Variants in COG6 observed in about 807,000 individuals in gnomAD.
COG6 encodes the protein conserved oligomeric Golgi complex subunit 6.
A neutral mutation model predicts 88.8 loss-of-function variants in COG6; 74 were observed. That is an observed-to-expected ratio of 0.83 (90% CI 0.69 to 1.01). The LOEUF is 1.01. Among genes scored for constraint, COG6 ranks in the 50% least tolerant of loss-of-function variants. The probability of loss-of-function intolerance (pLI) is 0.00; values close to 1 mark genes in which losing one functional copy is unlikely to be tolerated. For missense variants in COG6, 800 were observed against 797.9 expected (o/e 1.00, Z -0.03); for synonymous variants, 286 against 278.7 (o/e 1.03, Z -0.26).
intron 18 of COG6, among the ~76,000 whole-genome samples, chr13:39,743,690 G>C (rs900759575): frequency 4.6e-5 from 7 of 152,104 alleles, no homozygotes; most frequent in Non-Finnish European, 8.8e-5. Context: ...AGAGGAGCTG[G>C]TACCATCCAT....
At chr13:39,727,826 C>T (rs182872488) in intron 18 of COG6, among the ~76,000 whole-genome samples, 143 of 152,132 alleles carry the variant, frequency 9.4e-4, no homozygotes, top group Admixed American at 2.1e-3. Flanking sequence ...ATACCAAATT[C>T]CCTTACGTTA....
At chr13:39,704,011 G>A (rs1391729309) in intron 13 of COG6, among the ~76,000 whole-genome samples, 1 of 152,024 alleles carries the variant, frequency 6.6e-6, no homozygotes, top group African/African-American at 2.4e-5. Flanking sequence ...AGGAATTACA[G>A]GTGTGAGCCA....
chr13:39,781,984 A>G (rs1048552921), intron 18 of COG6, among the ~76,000 whole-genome samples: 4 of 152,184 alleles, frequency 2.6e-5, no homozygotes, highest in Admixed American at 6.5e-5. Context: ...TTAACTTACA[A>G]TGTGAACTTG....
chr13:39,680,833 T>A (rs1876268401), intron 7 of COG6, among the ~76,000 whole-genome samples: 1 of 152,194 alleles, frequency 6.6e-6, no homozygotes, highest in Non-Finnish European at 1.5e-5. Context: ...CTAACTTTTC[T>A]GCCAGCCACT....
chr13:39,685,286 A>G lies in COG6; in HGVS notation c.789-2217A>G, dbSNP rs141411579. 5.0e-3 allele frequency among the ~76,000 whole-genome samples: 761 copies of G among 152,262 alleles called. 7 individuals carry two copies. The highest frequency in any genetic ancestry group is 0.018 in the African/African-American group (734 of 41,572). On this transcript the variant is annotated intron_variant, in intron 8 of 18. Coordinates refer to ENST00000455146, the MANE Select transcript of COG6 (RefSeq NM_020751.3). ...TTGATTATTGTTGGAAGAATGTCTG[A>G]TTTTGGTCAAAGACTTTTTCTTCTG...
intron 18 of COG6, among the ~76,000 whole-genome samples, chr13:39,731,671 T>G (rs1041211666): frequency 6.6e-6 from 1 of 152,224 alleles, no homozygotes; most frequent in Admixed American, 6.5e-5. Flanking sequence ...TTTTCCTCCA[T>G]TATAGAAATA....
Position 39,660,848 on chromosome 13 carries a change from C to A in COG6, c.336C>A (p.Ser112Arg). ...ESISEDVQAM[S>R]NCCQDMTSRL... ...TAAGCGAAGATGTTCAAGCAATGAG[C>A]AACTGTTGTCAAGATATGACAAGTC... Residue 112 changes from serine (S) to arginine (R), a missense_variant, in exon 3 of 19, where the codon AGC (serine) becomes AGA (arginine). Ser to Arg is a moderately radical substitution (Grantham distance 110). Transcript: ENST00000455146. 6.2e-7 allele frequency: 1 copy of A among 1,610,078 alleles called. No homozygotes were observed. The highest frequency in any genetic ancestry group is 1.3e-5 in the African/African-American group (1 of 74,928).
At chr13:39,683,433 GA>G (rs1297543055) in intron 8 of COG6, among the ~76,000 whole-genome samples, 2 of 152,112 alleles carry the variant, frequency 1.3e-5, no homozygotes, top group African/African-American at 4.8e-5. Flanking sequence ...GTAATGCAAA[GA>G]TATACATTGA....
chr13:39,661,531 A>G (rs1247376599), intron 3 of COG6, among the ~76,000 whole-genome samples: 6 of 152,176 alleles, frequency 3.9e-5, no homozygotes, highest in Admixed American at 2.0e-4. Flanking sequence ...TGCATATTCT[A>G]CAGATTAATC....
chr13:39,676,515 T>C (rs1214760763), intron 4 of COG6, among the ~76,000 whole-genome samples: 2 of 152,174 alleles, frequency 1.3e-5, no homozygotes, highest in Non-Finnish European at 2.9e-5. Context: ...TGGAGGATTT[T>C]TGCTTGTAAA....
intron 17 of COG6, among the ~76,000 whole-genome samples, chr13:39,724,770 C>T (rs1389756670): frequency 1.3e-5 from 2 of 151,814 alleles, no homozygotes; most frequent in African/African-American, 4.8e-5. Flanking sequence ...TTCCACTATG[C>T]TCTGATAGTC....
intron 8 of COG6, among the ~76,000 whole-genome samples, chr13:39,684,243 A>ATTTTTTTTTTT (rs1203671335): frequency 0.058 from 3,884 of 67,148 alleles, 930 homozygotes; most frequent in East Asian, 0.11. Context: ...AATTTGGAAG[A>ATTTTTTTTTTT]TTTTTTTTTT....
At chr13:39,694,989 ACC>A (rs1555277424) in intron 12 of COG6, among the ~76,000 whole-genome samples, 1 of 142,752 alleles carries the variant, frequency 7.0e-6, no homozygotes, top group South Asian at 2.3e-4. Context: ...ACACACACAC[ACC>A]CCTTATATAG....
At chr13:39,769,781 G>A (rs1379867474) in intron 18 of COG6, among the ~76,000 whole-genome samples, 1 of 151,590 alleles carries the variant, frequency 6.6e-6, no homozygotes, top group Non-Finnish European at 1.5e-5. Context: ...CCTCATGAAA[G>A]GGTTTTGTGC....
At chr13:39,755,886 A>G (rs1456412274), downstream of COG6, among the ~76,000 whole-genome samples, 1 of 152,222 alleles carries the variant, frequency 6.6e-6, no homozygotes, top group African/African-American at 2.4e-5. Flanking sequence ...GTTACACATG[A>G]CAAAGAATGT....
intron 4 of COG6, among the ~76,000 whole-genome samples, chr13:39,673,445 AC>A (rs1367454363): frequency 2.6e-5 from 4 of 152,010 alleles, no homozygotes; most frequent in African/African-American, 7.2e-5. Flanking sequence ...TCTTTCAAAA[AC>A]GTTTAACTTT....
In COG6 at chr13:39,696,997, A is replaced by C. The variant is rs548931679; in HGVS notation, c.1166+2272A>C. 1.8e-4 allele frequency among the ~76,000 whole-genome samples: 27 copies of C among 147,936 alleles called. 1 individual carries two copies. Among genetic ancestry groups the C allele is most frequent in the African/African-American group, 6.7e-4 (27 of 40,040 alleles). On this transcript the variant is annotated intron_variant, in intron 12 of 18. Transcript: ENST00000455146. ...GTGAGGTATGAGGAGTCAAGGATGA[A>C]TTTTTGGCTTTTGGTTTGAACAGCT...
intron 18 of COG6, among the ~76,000 whole-genome samples, chr13:39,775,639 C>A (rs1881440986): frequency 2.6e-5 from 4 of 152,052 alleles, no homozygotes; most frequent in South Asian, 4.1e-4. Context: ...CTCACAAAGC[C>A]CTAATAATGT....
intron 7 of COG6, among the ~76,000 whole-genome samples, chr13:39,680,861 G>GTGAT (rs1157388300): frequency 6.6e-6 from 1 of 152,100 alleles, no homozygotes; most frequent in Non-Finnish European, 1.5e-5. Context: ...TGAGGCCTGT[G>GTGAT]TGATTACCTT....
Sources: allele counts gnomAD v4.1 joint callset (sites outside exome capture counted in the v4.1 genomes callset), GRCh38; gene constraint gnomAD v4.1.1; transcripts MANE v1.5; gene names NCBI Gene and HGNC (gene_info 2026-07-23, HGNC 2026-07-21).